IRAK3: variants seen among roughly 807,000 people sequenced by gnomAD.
The protein encoded by IRAK3 is interleukin-1 receptor-associated kinase 3.
In IRAK3, 57 loss-of-function variants were observed where a neutral mutation model predicts 56.6. That is an observed-to-expected ratio of 1.01 (90% confidence interval 0.81 to 1.26). The LOEUF is 1.26. Among genes scored for constraint, IRAK3 ranks in the 50% most tolerant of loss-of-function variants. The probability of loss-of-function intolerance (pLI) is 0.00; values close to 1 mark genes in which losing one functional copy is unlikely to be tolerated. For missense variants in IRAK3, 703 were observed against 719.0 expected (o/e 0.98, Z 0.25); for synonymous variants, 258 against 255.7 (o/e 1.01, Z -0.09).
At chr12:66,222,925 A>T (rs1449705120) in intron 6 of IRAK3, among the ~76,000 whole-genome samples, 1 of 152,128 alleles carries the variant, frequency 6.6e-6, no homozygotes. Context: ...AGGCGGGCTG[A>T]GTCCGAAAAG....
intron 11 of IRAK3, among the ~76,000 whole-genome samples, chr12:66,246,090 G>A (rs1241310694): frequency 6.6e-6 from 1 of 151,930 alleles, no homozygotes; most frequent in Non-Finnish European, 1.5e-5. Context: ...TAGACAGAAG[G>A]CCAGGTTGCC....
At chr12:66,223,689 C>T (rs1466524145) in intron 6 of IRAK3, among the ~76,000 whole-genome samples, 3 of 151,320 alleles carry the variant, frequency 2.0e-5, no homozygotes, top group East Asian at 3.9e-4. Context: ...TGGTTTTTGC[C>T]ATTAAAAGTA....
chr12:66,206,126 TTCTC>T, intron 2 of IRAK3, among the ~76,000 whole-genome samples: 1 of 152,310 alleles, frequency 6.6e-6, no homozygotes, highest in East Asian at 1.9e-4. Context: ...CAATGAAGGA[TTCTC>T]TCTCTTTTCA....
At chr12:66,246,846 A>T (rs1348645761) in intron 11 of IRAK3, among the ~76,000 whole-genome samples, 1 of 152,234 alleles carries the variant, frequency 6.6e-6, no homozygotes, top group Non-Finnish European at 1.5e-5. Flanking sequence ...GGGTTCTCAC[A>T]TCTAGCTGTA....
chr12:66,245,645 C>T (rs1050448150), intron 11 of IRAK3, among the ~76,000 whole-genome samples: 3 of 95,942 alleles, frequency 3.1e-5, no homozygotes, highest in Admixed American at 1.4e-4. Flanking sequence ...GATTCTACTG[C>T]CTCAGCCTCC....
chr12:66,200,447 G>C (rs1406194156), intron 1 of IRAK3, among the ~76,000 whole-genome samples: 1 of 152,190 alleles, frequency 6.6e-6, no homozygotes, highest in Non-Finnish European at 1.5e-5. Context: ...AAGAGACACA[G>C]AGGCATGCCT....
At chr12:66,189,489 C>T (rs967649484) in intron 1 of IRAK3, 57 bp downstream of exon 1, 3 of 1,081,880 alleles carry the variant, frequency 2.8e-6, no homozygotes, top group Non-Finnish European at 2.3e-6. Context: ...CCGCGGGGCC[C>T]GCTCGGCGTC....
chr12:66,215,788 A>ATGTG (rs1555203513), intron 5 of IRAK3, among the ~76,000 whole-genome samples: 1 of 131,612 alleles, frequency 7.6e-6, no homozygotes, highest in African/African-American at 2.8e-5. Flanking sequence ...CCCAACATGC[A>ATGTG]CACACACACA....
At chr12:66,209,876 C>T (rs1232098927) in intron 3 of IRAK3, among the ~76,000 whole-genome samples, 1 of 152,142 alleles carries the variant, frequency 6.6e-6, no homozygotes, top group African/African-American at 2.4e-5. Flanking sequence ...TAGCAGTGAT[C>T]ATTTTTATAG....
intron 6 of IRAK3, among the ~76,000 whole-genome samples, chr12:66,222,780 G>A (rs2052747371): frequency 6.6e-6 from 1 of 151,854 alleles, no homozygotes; most frequent in African/African-American, 2.4e-5. Flanking sequence ...TTACCATACT[G>A]TCATTTCATC....
chr12:66,197,014 C>T (rs1314638374), intron 1 of IRAK3: 2 of 1,531,280 alleles, frequency 1.3e-6, no homozygotes, highest in Admixed American at 2.0e-5. Flanking sequence ...GACATATTTG[C>T]ATATGGAGAC....
intron 11 of IRAK3, 38 bp from the exon 12 acceptor site, chr12:66,247,657 A>T (rs759376657): frequency 7.9e-7 from 1 of 1,272,518 alleles, no homozygotes; most frequent in Non-Finnish European, 1.2e-6. Flanking sequence ...AAGATTATTC[A>T]AACTTAATTT....
chr12:66,205,150 A>C (rs867775527), intron 2 of IRAK3, among the ~76,000 whole-genome samples: 2 of 152,178 alleles, frequency 1.3e-5, no homozygotes, highest in Admixed American at 6.5e-5. Context: ...CCACTTTAAT[A>C]GGACACACAG....
chr12:66,211,638 ATTTG>A (rs1211381799), intron 5 of IRAK3, 41 bp downstream of exon 5: 4 of 1,506,396 alleles, frequency 2.7e-6, no homozygotes, highest in East Asian at 4.5e-5. Context: ...AGTTCCACTT[ATTTG>A]TTCATCTTTC....
At chr12:66,220,059 TC>T (rs1319002118) in intron 6 of IRAK3, among the ~76,000 whole-genome samples, 3 of 152,174 alleles carry the variant, frequency 2.0e-5, no homozygotes, top group Non-Finnish European at 4.4e-5. Flanking sequence ...TTGATATAGT[TC>T]CACTTGTTCA....
At chr12:66,197,073 T>C in intron 1 of IRAK3, 1 of 1,377,808 alleles carries the variant, frequency 7.3e-7, no homozygotes, top group Non-Finnish European at 9.4e-7. Context: ...CAAAACAGCC[T>C]TCAAGGACTT....
At chr12:66,219,377 G>C (rs554335384) in intron 6 of IRAK3, among the ~76,000 whole-genome samples, 3 of 147,220 alleles carry the variant, frequency 2.0e-5, no homozygotes, top group African/African-American at 7.3e-5. Context: ...AAGATCTGAT[G>C]GTTTTAAAAA....
At chr12:66,220,807 A>G (rs2052725530) in intron 6 of IRAK3, among the ~76,000 whole-genome samples, 1 of 152,010 alleles carries the variant, frequency 6.6e-6, no homozygotes, top group Non-Finnish European at 1.5e-5. Context: ...GGCGTGAGCC[A>G]CCGCGCCCGG....
rs892067966 is a variant in IRAK3, at chr12:66,233,998, T to G, written c.887+5628T>G. 2.6e-6 allele frequency: 4 copies of G among 1,518,334 alleles called. No homozygotes were observed. The African/African-American group carries it at 5.5e-5, about 21-fold the overall frequency. 94.1% of individuals were successfully genotyped at this position (1,518,334 alleles called of 1,614,324 possible). On this transcript the variant is annotated intron_variant, in intron 8 of 11. Transcript: ENST00000261233. ...TGTCAATAATTTCCTAAAGCACAAT[T>G]GATCAGAAAAATCCATGATTGTTCA... is the stretch of plus-strand genomic sequence containing the variant.
Sources: gnomAD v4.1 joint callset for allele counts (sites outside exome capture counted in the v4.1 genomes callset) on GRCh38, gnomAD v4.1.1 for gene constraint, MANE v1.5 for transcripts, NCBI Gene and HGNC (gene_info 2026-07-23, HGNC 2026-07-21) for gene names.